Variants in SRGAP1 observed in about 807,000 individuals in gnomAD.
The protein encoded by SRGAP1 is SLIT-ROBO Rho GTPase activating protein 1, also known as SLIT-ROBO Rho GTPase-activating protein 1.
In SRGAP1, 43 loss-of-function variants were observed where a neutral mutation model predicts 121.9. The ratio of observed to expected loss-of-function variants is 0.35; its 90% CI spans 0.28 to 0.46. The LOEUF (loss-of-function observed/expected upper bound fraction) is 0.46. Ranked by LOEUF, SRGAP1 falls within the 20% of genes least tolerant of loss-of-function variation. The probability of loss-of-function intolerance (pLI) is 1.00; values close to 1 mark genes in which losing one functional copy is unlikely to be tolerated. For synonymous variants in SRGAP1, 447 were observed against 485.4 expected (o/e 0.92, Z 1.04); for missense variants, 1,102 against 1,350.9 (o/e 0.82, Z 2.89).
chr12:63,991,117 C>T (rs778044516), intron 3 of SRGAP1, among the ~76,000 whole-genome samples: 4 of 152,274 alleles, frequency 2.6e-5, no homozygotes, highest in Non-Finnish European at 5.9e-5. Context: ...GCTACTTGCC[C>T]AGTACGACTA....
chr12:63,990,187 G>T, intron 3 of SRGAP1, 115 bp downstream of exon 3: 1 of 792,010 alleles, frequency 1.3e-6, no homozygotes, highest in Non-Finnish European at 2.0e-6. Flanking sequence ...TAGAGACACA[G>T]AATAAACAGT....
Position 64,018,706 on chromosome 12 carries a change from A to G in SRGAP1, c.489+1694A>G, listed in dbSNP as rs911023900. On this transcript the variant is annotated intron_variant, in intron 4 of 21. Coordinates refer to ENST00000355086, the MANE Select transcript of SRGAP1 (RefSeq NM_020762.4). ...CTCCTTCAGAAACTTTCCACTCTCC[A>G]TGCAACCTACAAAAGCCTCAGGTTA... is the stretch of plus-strand genomic sequence containing the variant. 9.8e-4 allele frequency among the ~76,000 whole-genome samples: 149 copies of G among 152,316 alleles called. 1 individual carries two copies. Among genetic ancestry groups the G allele is most frequent in the African/African-American group, 3.5e-3 (144 of 41,560 alleles).
chr12:64,131,091 G>A (rs2036777211), intron 21 of SRGAP1, among the ~76,000 whole-genome samples: 1 of 152,186 alleles, frequency 6.6e-6, no homozygotes, highest in Admixed American at 6.5e-5. Context: ...TGCCACTATG[G>A]CCACTTTGTT....
chr12:63,941,244 C>T (rs59035708), intron 1 of SRGAP1, among the ~76,000 whole-genome samples: 48 of 151,914 alleles, frequency 3.2e-4, no homozygotes, highest in African/African-American at 1.1e-3. Context: ...GGTACAACTG[C>T]CAAGATTAAC....
intron 1 of SRGAP1, among the ~76,000 whole-genome samples, chr12:63,870,695 A>G (rs1345821673): frequency 6.6e-6 from 1 of 152,014 alleles, no homozygotes; most frequent in Non-Finnish European, 1.5e-5. Context: ...GTGTGCCACC[A>G]TGCCCAACTA....
chr12:63,870,488 C>G (rs1427603001), intron 1 of SRGAP1, among the ~76,000 whole-genome samples: 1 of 151,480 alleles, frequency 6.6e-6, no homozygotes, highest in Non-Finnish European at 1.5e-5. Context: ...ACTTCCACCA[C>G]ATGGCTTTGC....
At chr12:64,079,278 GAGTTATTTAGGAGTT>G (rs1208676540) in intron 9 of SRGAP1, among the ~76,000 whole-genome samples, 162 bp downstream of exon 9, 2 of 152,048 alleles carry the variant, frequency 1.3e-5, no homozygotes, top group Non-Finnish European at 2.9e-5. Context: ...AAGAGTTTAG[GAGTTATTTAGGAGTT>G]AGTTAGTTAG....
chr12:64,081,544 A>C (rs1373956610), intron 10 of SRGAP1: 3 of 152,116 alleles, frequency 2.0e-5, no homozygotes, highest in African/African-American at 7.2e-5. Context: ...CAATGTATGA[A>C]CCTTCACACA....
intron 6 of SRGAP1, among the ~76,000 whole-genome samples, chr12:64,053,116 TAG>T (rs1298407154): frequency 2.0e-5 from 3 of 152,320 alleles, no homozygotes; most frequent in East Asian, 3.9e-4. Context: ...AGAGGAGTAT[TAG>T]AGAGCACCTA....
At position 64,127,730 on chromosome 12, in the gene SRGAP1, T is replaced by G; in HGVS notation, c.2540+6T>G. On this transcript the variant is annotated splice_donor_region_variant and intron_variant, in intron 20 of 21. Coordinates refer to ENST00000355086, the MANE Select transcript of SRGAP1 (RefSeq NM_020762.4). ...CCTGACGGCTATTTAGCCAGGTAAG[T>G]AGAGCCTGGGAATCAGGCCCCTAAG... 6.2e-7 allele frequency: 1 copy of G among 1,613,816 alleles called. No individual in the cohort carries two copies. The highest frequency in any genetic ancestry group is 8.5e-7 in the Non-Finnish European group (1 of 1,179,876).
chr12:64,097,433 T>G, intron 15 of SRGAP1, 58 bp downstream of exon 15: 2 of 1,586,984 alleles, frequency 1.3e-6, no homozygotes, highest in East Asian at 2.2e-5. Flanking sequence ...GCTAACTTCC[T>G]GGAAAAGGCA....
chr12:64,133,462 C>A (rs1305936189), intron 21 of SRGAP1, among the ~76,000 whole-genome samples: 1 of 152,224 alleles, frequency 6.6e-6, no homozygotes, highest in Non-Finnish European at 1.5e-5. Flanking sequence ...ACTACTTTAA[C>A]TGGAGCACCA....
chr12:64,052,726 T>C (rs1270644278), intron 6 of SRGAP1, among the ~76,000 whole-genome samples: 1 of 152,130 alleles, frequency 6.6e-6, no homozygotes, highest in African/African-American at 2.4e-5. Context: ...TTTAATATTA[T>C]GATTTATCTT....
chr12:63,940,645 A>G (rs1449951274), intron 1 of SRGAP1, among the ~76,000 whole-genome samples: 1 of 152,234 alleles, frequency 6.6e-6, no homozygotes, highest in Non-Finnish European at 1.5e-5. Flanking sequence ...TGGTTGTGCC[A>G]CTGAATGGCT....
chr12:64,042,440 T>C (rs974176328), intron 4 of SRGAP1, among the ~76,000 whole-genome samples: 2 of 152,168 alleles, frequency 1.3e-5, no homozygotes, highest in African/African-American at 4.8e-5. Context: ...AATCCATGAA[T>C]AAACGGTTTA....
At chr12:63,956,720 CTTTTTTT>C (rs3067620) in intron 1 of SRGAP1, among the ~76,000 whole-genome samples, 1 of 96,978 alleles carries the variant, frequency 1.0e-5, no homozygotes, top group Admixed American at 1.1e-4. Flanking sequence ...GTAAGCAAGG[CTTTTTTT>C]TTTTTTTTTT....
chr12:63,993,361 T>C (rs2033608625), intron 3 of SRGAP1, among the ~76,000 whole-genome samples: 1 of 152,242 alleles, frequency 6.6e-6, no homozygotes, highest in African/African-American at 2.4e-5. Context: ...TAATCACCGA[T>C]CTTCCTCTTT....
intron 21 of SRGAP1, among the ~76,000 whole-genome samples, chr12:64,132,772 G>A (rs565186887): frequency 1.1e-4 from 16 of 152,306 alleles, no homozygotes; most frequent in East Asian, 3.9e-4. Flanking sequence ...AATATCTTGC[G>A]GAAGCAAAAA....
In SRGAP1 at chr12:63,963,512, C is replaced by A. The variant is rs192844441; in HGVS notation, c.68-20435C>A. ...ATCAGAGTAATGGACATAGCTGTCACCTCAAACATTTATCATTTCTTCGTG... is the reference window on the plus strand; with the variant it reads ...ATCAGAGTAATGGACATAGCTGTCAACTCAAACATTTATCATTTCTTCGTG... On this transcript the variant is annotated intron_variant, in intron 1 of 21. Transcript: ENST00000355086. 3.8e-4 allele frequency among the ~76,000 whole-genome samples: 58 copies of A among 152,258 alleles called. 1 individual carries two copies. In the East Asian group the frequency reaches 0.011, roughly 29 times the overall value.
Sources: allele counts gnomAD v4.1 joint callset (sites outside exome capture counted in the v4.1 genomes callset), GRCh38; gene constraint gnomAD v4.1.1; transcripts MANE v1.5; gene names NCBI Gene and HGNC (gene_info 2026-07-23, HGNC 2026-07-21).